The following PFDN5 variants were observed in gnomAD, a reference collection of about 807,000 sequenced individuals.
PFDN5 encodes prefoldin subunit 5.
A neutral mutation model predicts 21.5 loss-of-function variants in PFDN5; 13 were observed. The observed-to-expected ratio is 0.60, with a 90% CI of 0.39 to 0.96. PFDN5 has a LOEUF of 0.96. Among genes scored for constraint, PFDN5 ranks in the 40% least tolerant of loss-of-function variants. PFDN5 has a pLI of 0.00. For synonymous variants in PFDN5, 84 were observed against 68.9 expected (o/e 1.22, Z -1.08); for missense variants, 188 against 186.2 (o/e 1.01, Z -0.06).
At chr12:53,297,760 A>T in intron 3 of PFDN5, 90 bp from the exon 4 acceptor site, 1 of 905,334 alleles carries the variant, frequency 1.1e-6, no homozygotes, top group South Asian at 1.3e-5. Context: ...TTTTTGGAAA[A>T]AGAGGGTCTT....
chr12:53,296,121 A>G (rs1006339538), intron 2 of PFDN5, 123 bp from the exon 3 acceptor site: 9 of 861,870 alleles, frequency 1.0e-5, no homozygotes, highest in African/African-American at 8.4e-5. Context: ...CTCTGCTCCT[A>G]TTGCCCCTGT....
chr12:53,297,687 C>A (rs1482468501), intron 3 of PFDN5, 163 bp from the exon 4 acceptor site: 3 of 611,606 alleles, frequency 4.9e-6, no homozygotes, highest in Non-Finnish European at 5.9e-6. Flanking sequence ...TGTCTTCTTT[C>A]CATTTGGAGT....
chr12:53,299,294 G>T lies in PFDN5; in HGVS notation c.414G>T (p.Lys138Asn). ...KQAVMEMMSQ[K>N]IQQLTALGAA... ...CCGTCATGGAAATGATGAGTCAGAA[G>T]ATTCAGCAGCTCACAGCCCTGGGGG... Residue 138 changes from lysine (K) to asparagine (N), a missense_variant, in exon 6 of 6, where the codon AAG becomes AAT. Physicochemically the swap from Lys to Asn is moderately conservative, Grantham distance 94 (BLOSUM62 0). Coordinates refer to ENST00000334478, the MANE Select transcript of PFDN5 (RefSeq NM_002624.4). 1 of 1,612,938 alleles carries T rather than the reference G, an allele frequency of 6.2e-7. No individual in the cohort carries two copies. The highest frequency in any genetic ancestry group is 8.5e-7 in the Non-Finnish European group (1 of 1,179,454).
At chr12:53,295,986 T>A in intron 2 of PFDN5, 45 bp downstream of exon 2, 1 of 1,166,520 alleles carries the variant, frequency 8.6e-7, no homozygotes, top group Non-Finnish European at 1.3e-6. Context: ...GCGAACCTGC[T>A]TCTCTCGTCC....
intron 1 of PFDN5, 25 bp from the exon 2 acceptor site, chr12:53,295,814 G>C: frequency 6.9e-7 from 1 of 1,445,108 alleles, no homozygotes; most frequent in South Asian, 1.1e-5. Flanking sequence ...TCCTCTCATT[G>C]ACCCGCTATC....
chr12:53,295,945 TGG>T lies in PFDN5; in HGVS notation c.175+7_175+8del. ...GTGCTGAACAAGAGCAACGAGGGTA[TGG>T]GGTAGGCGGGTGAGGGTAACCTAAA... On this transcript the variant is annotated splice_donor_5th_base_variant and intron_variant, in intron 2 of 5. Transcript: ENST00000334478. The T allele has an allele frequency of 6.3e-7, 1 of 1,580,084 alleles. No individual in the cohort carries two copies. Among genetic ancestry groups the T allele is most frequent in the Non-Finnish European group, 8.7e-7 (1 of 1,149,426 alleles).
chr12:53,295,805 C>T (rs367927348), intron 1 of PFDN5, 34 bp from the exon 2 acceptor site: 9 of 1,372,458 alleles, frequency 6.6e-6, no homozygotes, highest in Non-Finnish European at 9.4e-6. Context: ...TCCCCTTAGT[C>T]CTCTCATTGA....
In PFDN5 at chr12:53,298,223, G is replaced by A. The variant is rs938986084; in HGVS notation, c.388+73G>A. 4.4e-6 allele frequency: 4 copies of A among 913,020 alleles called. No individual in the cohort carries two copies. The African/African-American group carries it at 4.9e-5, about 11-fold the overall frequency. The allele number at this position is 913,020 out of a possible 1,614,324, so 56.6% of individuals were successfully genotyped here. On this transcript the variant is annotated intron_variant, in intron 5 of 5. Coordinates refer to ENST00000334478, the MANE Select transcript of PFDN5 (RefSeq NM_002624.4). ...ACATGGATTGCAGTGTGAACCACGG[G>A]GGTGTCCCCTTTGCTGGAGTAAAAC...
rs1944142300 is a variant in PFDN5, at chr12:53,295,774, C to G, written c.73-65C>G. On this transcript the variant is annotated intron_variant, in intron 1 of 5. Transcript: ENST00000334478. Reference sequence around the variant, plus strand: ...TCTATCCGATCCCAGGACCTGCCCCCTCCCCGGCCGCGCTCCTTTCTCCCC... The same window carrying G: ...TCTATCCGATCCCAGGACCTGCCCCGTCCCCGGCCGCGCTCCTTTCTCCCC... 4.0e-6 allele frequency: 5 copies of G among 1,265,668 alleles called. No homozygotes were observed. The South Asian group carries it at 6.0e-5, about 15-fold the overall frequency. The allele number at this position is 1,265,668 out of a possible 1,614,324, so 78.4% of individuals were successfully genotyped here. A position where few individuals can be genotyped will look rare whatever the true frequency, so the allele number is the denominator to read the frequency against.
At chr12:53,299,145 A>AG (rs905900369) in intron 5 of PFDN5, 124 bp from the exon 6 acceptor site, 83 of 503,422 alleles carry the variant, frequency 1.6e-4, no homozygotes, top group South Asian at 3.9e-4. Context: ...TCAAAAAAAA[A>AG]AAAAAAAGGT....
intron 1 of PFDN5, 35 bp from the exon 2 acceptor site, chr12:53,295,804 T>A: frequency 7.3e-7 from 1 of 1,369,474 alleles, no homozygotes; most frequent in South Asian, 1.2e-5. Flanking sequence ...CTCCCCTTAG[T>A]CCTCTCATTG....
chr12:53,295,702 C>G, intron 1 of PFDN5, 63 bp downstream of exon 1: 1 of 1,471,674 alleles, frequency 6.8e-7, no homozygotes, highest in South Asian at 1.1e-5. Flanking sequence ...ACGCGTACTT[C>G]TCGCGCCCGG....
intron 3 of PFDN5, 194 bp from the exon 4 acceptor site, chr12:53,297,656 T>C: frequency 3.5e-6 from 2 of 576,686 alleles, no homozygotes; most frequent in Non-Finnish European, 3.1e-6. Context: ...CATCATTTTC[T>C]CCTTAAAGAA....
At chr12:53,295,751 T>C (rs1944141924) in intron 1 of PFDN5, 88 bp from the exon 2 acceptor site, 2 of 1,272,664 alleles carry the variant, frequency 1.6e-6, no homozygotes. Flanking sequence ...GCGAAACCTC[T>C]ATCCGATCCC....
chr12:53,297,776 G>T, intron 3 of PFDN5, 74 bp from the exon 4 acceptor site: 1 of 1,110,780 alleles, frequency 9.0e-7, no homozygotes, highest in Non-Finnish European at 1.4e-6. Context: ...GTCTTTGGAG[G>T]CCAAGCAGGC....
In PFDN5 at chr12:53,299,292, A is replaced by C. The variant is rs745387819; in HGVS notation, c.412A>C (p.Lys138Gln). Reference sequence around the variant, plus strand: ...AGCCGTCATGGAAATGATGAGTCAGAAGATTCAGCAGCTCACAGCCCTGGG... The same window carrying C: ...AGCCGTCATGGAAATGATGAGTCAGCAGATTCAGCAGCTCACAGCCCTGGG... ...KQAVMEMMSQ[K>Q]IQQLTALGAA... The change falls in exon 6 of 6, where the codon AAG becomes CAG. Residue 138 changes from lysine (K) to glutamine (Q), a missense_variant. Coordinates refer to ENST00000334478, the MANE Select transcript of PFDN5 (RefSeq NM_002624.4). The C allele has an allele frequency of 2.5e-6, 4 of 1,612,834 alleles. No homozygotes were observed. In the South Asian group the frequency reaches 4.4e-5, roughly 18 times the overall value.
intron 3 of PFDN5, 60 bp from the exon 4 acceptor site, chr12:53,297,790 C>A: frequency 7.8e-7 from 1 of 1,282,214 alleles, no homozygotes; most frequent in Non-Finnish European, 1.1e-6. Flanking sequence ...AGCAGGCTGG[C>A]TGGCGGAATC....
chr12:53,298,041 G>A lies in PFDN5; in HGVS notation c.283-4G>A, dbSNP rs1944176644. ...TAGCCCCTTATTCACCTCTGATCTTGTAGACAGCTGAGGATGCCAAGGACT... is the reference window on the plus strand; with the variant it reads ...TAGCCCCTTATTCACCTCTGATCTTATAGACAGCTGAGGATGCCAAGGACT... On this transcript the variant is annotated splice_region_variant and splice_polypyrimidine_tract_variant and intron_variant, in intron 4 of 5. Transcript: ENST00000334478. The A allele has an allele frequency of 3.7e-6, 6 of 1,605,924 alleles. No individual in the cohort carries two copies. In the Admixed American group the frequency reaches 5.0e-5, roughly 13 times the overall value.
intron 3 of PFDN5, 58 bp downstream of exon 3, chr12:53,296,333 CA>C: frequency 1.5e-6 from 2 of 1,351,984 alleles, no homozygotes; most frequent in East Asian, 2.4e-5. Flanking sequence ...TTCACTCCCC[CA>C]AAAAGCGGGG....
Sources: gnomAD v4.1 joint callset for allele counts on GRCh38, gnomAD v4.1.1 for gene constraint, MANE v1.5 for transcripts, NCBI Gene and HGNC (gene_info 2026-07-23, HGNC 2026-07-21) for gene names.